DHTKD1: variants seen among roughly 807,000 people sequenced by gnomAD.
DHTKD1 encodes 2-oxoadipate dehydrogenase complex component E1.
A neutral mutation model predicts 101.8 loss-of-function variants in DHTKD1; 78 were observed. That is an observed-to-expected ratio of 0.77 (90% CI 0.64 to 0.93). The LOEUF (loss-of-function observed/expected upper bound fraction) is 0.93, where lower values mean the gene tolerates loss of function less well. Ranked by LOEUF, DHTKD1 falls within the 40% of genes least tolerant of loss-of-function variation. DHTKD1 has a pLI of 0.00. For synonymous variants in DHTKD1, 462 were observed against 450.3 expected, an observed-to-expected ratio of 1.03 and a Z score of -0.33; for missense variants, 1,223 against 1,161.7, an observed-to-expected ratio of 1.05 and a Z score of -0.77.
intron 15 of DHTKD1, among the ~76,000 whole-genome samples, chr10:12,119,309 C>A (rs1833476405): frequency 7.0e-6 from 1 of 142,236 alleles, no homozygotes; most frequent in African/African-American, 2.6e-5. Context: ...CAAAAAAAGA[C>A]ACAAAAACAT....
Position 12,118,932 on chromosome 10 carries a change from C to A in DHTKD1, c.2572+14C>A. 1 of 1,506,234 alleles carries A rather than the reference C, an allele frequency of 6.6e-7. No individual in the cohort carries two copies. The allele number at this position is 1,506,234 out of a possible 1,614,324, so 93.3% of individuals were successfully genotyped here. Reference sequence around the variant, plus strand: ...AACATGTTAAAGGTAAGAGGTTGTTCTCATTTGGGTTTTGATGTTCAGATA... The same window carrying A: ...AACATGTTAAAGGTAAGAGGTTGTTATCATTTGGGTTTTGATGTTCAGATA... On this transcript the variant is annotated intron_variant, in intron 15 of 16. Transcript: ENST00000263035.
chr10:12,090,385 CT>C (rs1195634578), intron 5 of DHTKD1, among the ~76,000 whole-genome samples: 1 of 115,202 alleles, frequency 8.7e-6, no homozygotes, highest in Non-Finnish European at 1.9e-5. Context: ...TCCTTCCTTC[CT>C]TTTTTCCTTC....
intron 1 of DHTKD1, 30 bp downstream of exon 1, chr10:12,069,217 G>T: frequency 1.3e-6 from 2 of 1,520,318 alleles, no homozygotes; most frequent in Non-Finnish European, 1.8e-6. Context: ...CGGTGGGAGC[G>T]GGGGCTGGGA....
intron 2 of DHTKD1, among the ~76,000 whole-genome samples, chr10:12,082,498 C>T (rs949172462): frequency 2.6e-5 from 4 of 152,062 alleles, no homozygotes; most frequent in South Asian, 4.1e-4. Context: ...CATCTAATGC[C>T]GTGTAATAAA....
intron 13 of DHTKD1, among the ~76,000 whole-genome samples, chr10:12,116,040 C>T (rs1833411376): frequency 6.6e-6 from 1 of 151,700 alleles, no homozygotes; most frequent in East Asian, 1.9e-4. Context: ...AAGCAATTCT[C>T]CTGCCTCAGC....
Position 12,113,074 on chromosome 10 carries a change from A to G in DHTKD1, c.2319+10A>G. 1 of 1,596,450 alleles carries G rather than the reference A, an allele frequency of 6.3e-7. No individual in the cohort carries two copies. Among genetic ancestry groups the G allele is most frequent in the Non-Finnish European group, 8.5e-7 (1 of 1,171,272 alleles). On this transcript the variant is annotated intron_variant, in intron 13 of 16. Coordinates refer to ENST00000263035, the MANE Select transcript of DHTKD1 (RefSeq NM_018706.7). ...GTTACTCAGGCTCCCGGTAAGCAGA[A>G]GGTGGTGAATAAGCCTTCCTCCTTT...
chr10:12,093,278 A>G (rs1393290203), intron 6 of DHTKD1, among the ~76,000 whole-genome samples: 1 of 152,148 alleles, frequency 6.6e-6, no homozygotes, highest in African/African-American at 2.4e-5. Context: ...TCCTGACCTC[A>G]GGTAATTCAC....
chr10:12,108,627 C>A (rs1228091787), intron 12 of DHTKD1, among the ~76,000 whole-genome samples: 1 of 152,148 alleles, frequency 6.6e-6, no homozygotes, highest in African/African-American at 2.4e-5. Flanking sequence ...CCATTGTCCT[C>A]ATTTGGTGTG....
At chr10:12,077,930 C>T (rs1701467) in intron 1 of DHTKD1, among the ~76,000 whole-genome samples, 150,991 of 151,992 alleles carry the variant, frequency 0.99, 75,011 homozygotes, top group East Asian at 1. Flanking sequence ...GAAACCTGCC[C>T]GAAGAAATGG....
intron 7 of DHTKD1, 174 bp downstream of exon 7, chr10:12,094,445 C>T (rs112860947): frequency 7.8e-6 from 5 of 640,098 alleles, no homozygotes; most frequent in Non-Finnish European, 1.4e-5. Flanking sequence ...AAGTGATCCT[C>T]TTGCCTCAAC....
intron 7 of DHTKD1, among the ~76,000 whole-genome samples, chr10:12,094,629 G>C (rs1157145763): frequency 6.6e-6 from 1 of 152,092 alleles, no homozygotes; most frequent in African/African-American, 2.4e-5. Flanking sequence ...GAGCCACCAT[G>C]CCCAGGCAGG....
intron 7 of DHTKD1, among the ~76,000 whole-genome samples, chr10:12,095,831 AAAGAAAAGAAAAG>A (rs1833062704): frequency 1.2e-5 from 1 of 82,800 alleles, no homozygotes; most frequent in Non-Finnish European, 2.3e-5. Context: ...AAAAAAAAAA[AAAGAAAAGAAAAG>A]AAAAGAAAAA....
chr10:12,116,958 C>T (rs1435139568), intron 13 of DHTKD1, among the ~76,000 whole-genome samples: 1 of 151,932 alleles, frequency 6.6e-6, no homozygotes, highest in Non-Finnish European at 1.5e-5. Context: ...GCCTCAGCCT[C>T]CCAAAGTTCT....
At chr10:12,095,278 C>A (rs2131363353) in intron 7 of DHTKD1, among the ~76,000 whole-genome samples, 1 of 152,246 alleles carries the variant, frequency 6.6e-6, no homozygotes, top group African/African-American at 2.4e-5. Flanking sequence ...AATACACACA[C>A]CATATTTCAA....
At chr10:12,095,761 C>T (rs530611506) in intron 7 of DHTKD1, among the ~76,000 whole-genome samples, 2 of 128,852 alleles carry the variant, frequency 1.6e-5, no homozygotes, top group African/African-American at 5.7e-5. Flanking sequence ...TGCAGTGAGC[C>T]CAGATCGCAC....
intron 1 of DHTKD1, among the ~76,000 whole-genome samples, chr10:12,079,293 C>G (rs1832778846): frequency 6.6e-6 from 1 of 152,102 alleles, no homozygotes; most frequent in Non-Finnish European, 1.5e-5. Flanking sequence ...TCAAAAGTGA[C>G]TGAGGTTGAG....
intron 1 of DHTKD1, among the ~76,000 whole-genome samples, chr10:12,080,721 A>G (rs1564388785): frequency 2.0e-5 from 3 of 151,792 alleles, no homozygotes; most frequent in African/African-American, 7.3e-5. Context: ...AAAAAAAAAA[A>G]AAGAAAAGAA....
In DHTKD1 at chr10:12,106,346, G is replaced by A; in HGVS notation, c.1997G>A (p.Gly666Asp). The change falls in exon 11 of 17, where the codon GGC becomes GAC. Residue 666 changes from glycine (G) to aspartate (D), a missense_variant. Physicochemically the swap from Gly to Asp is moderately conservative, Grantham distance 94. Coordinates refer to ENST00000263035, the MANE Select transcript of DHTKD1 (RefSeq NM_018706.7). ...CTGCCCCTGTGGGAGGCACAGTTTG[G>A]CGATTTCTTCAATGGTGCCCAGATC... ...KLLPLWEAQF[G>D]DFFNGAQIIF... The A allele has an allele frequency of 6.2e-7, 1 of 1,614,182 alleles. No individual in the cohort carries two copies. The highest frequency in any genetic ancestry group is 8.5e-7 in the Non-Finnish European group (1 of 1,180,044).
rs149845732 is a variant in DHTKD1 at position 12,077,158 on chromosome 10, C to T, written c.155-4314C>T. 4.3e-3 allele frequency among the ~76,000 whole-genome samples: 648 copies of T among 150,178 alleles called. 7 individuals are homozygous for T. The highest frequency in any genetic ancestry group is 0.012 in the African/African-American group (487 of 41,046). ...AAGATGAAATATATATTATAAACTA[C>T]TCATATGTACATACACAGTGTAACA... On this transcript the variant is annotated intron_variant, in intron 1 of 16. Transcript: ENST00000263035.
Sources: gnomAD v4.1 joint callset for allele counts (sites outside exome capture counted in the v4.1 genomes callset) on GRCh38, gnomAD v4.1.1 for gene constraint, MANE v1.5 for transcripts, NCBI Gene and HGNC (gene_info 2026-07-23, HGNC 2026-07-21) for gene names.